The following HIVEP1 variants were observed in gnomAD, a reference collection of about 807,000 sequenced individuals.
HIVEP1 encodes HIVEP zinc finger 1.
Under a neutral mutation model 180.0 loss-of-function variants are expected in HIVEP1, and 36 were observed. That is an observed-to-expected ratio of 0.20 (90% CI 0.15 to 0.26). The LOEUF is 0.26. Ranked by LOEUF, HIVEP1 falls within the 10% of genes least tolerant of loss-of-function variation. The pLI, the probability that HIVEP1 is intolerant of heterozygous loss-of-function variation, is 1.00. For synonymous variants in HIVEP1, 1,239 were observed against 1,239.0 expected (o/e 1.00, Z 0.00); for missense variants, 3,143 against 3,268.7 (o/e 0.96, Z 0.94).
chr6:12,145,940 G>C (rs750194887), intron 7 of HIVEP1, among the ~76,000 whole-genome samples: 1 of 152,116 alleles, frequency 6.6e-6, no homozygotes, highest in Non-Finnish European at 1.5e-5. Context: ...TGTGAAGAAG[G>C]AATATTAGAC....
At chr6:12,192,930 C>T in the HIVEP1 span, among the ~76,000 whole-genome samples, 1 of 151,594 alleles carries the variant, frequency 6.6e-6, no homozygotes, top group Non-Finnish European at 1.5e-5. Context: ...TAACTTCAAA[C>T]AGTAAGCTCA....
intron 2 of HIVEP1, among the ~76,000 whole-genome samples, chr6:12,018,429 G>T (rs911029343): frequency 6.6e-6 from 1 of 152,250 alleles, no homozygotes; most frequent in African/African-American, 2.4e-5. Flanking sequence ...TGACAGCACG[G>T]TGTCACCTCT....
chr6:12,160,985 A>G (rs1027632193), intron 7 of HIVEP1, among the ~76,000 whole-genome samples: 8 of 152,364 alleles, frequency 5.3e-5, no homozygotes, highest in Middle Eastern at 3.4e-3. Context: ...CACAGATACC[A>G]ACAGCCATCA....
intron 3 of HIVEP1, among the ~76,000 whole-genome samples, chr6:12,115,335 A>G (rs1775144450): frequency 7.1e-6 from 1 of 141,152 alleles, no homozygotes; most frequent in Non-Finnish European, 1.5e-5. Context: ...CTTAACTTAT[A>G]CTTCCCCAAC....
intron 8 of HIVEP1, among the ~76,000 whole-genome samples, chr6:12,162,698 T>A (rs927230732): frequency 1.3e-5 from 2 of 152,362 alleles, no homozygotes; most frequent in African/African-American, 4.8e-5. Context: ...TAAGCGTCTC[T>A]ATCCCAAAAC....
In HIVEP1 at chr6:12,031,407, A is replaced by G. The variant is rs371083220; in HGVS notation, c.40+15739A>G. 2.6e-5 allele frequency among the ~76,000 whole-genome samples: 4 copies of G among 152,332 alleles called. No homozygotes were observed. In the East Asian group the frequency reaches 7.7e-4, roughly 29 times the overall value. On this transcript the variant is annotated intron_variant, in intron 2 of 8. Transcript: ENST00000379388. ...GCACACTGTAAGTGGCTCACCTACC[A>G]GAACTCCCTAGTAAGTCCCTGGCTA...
At chr6:12,031,317 C>T (rs1258092739) in intron 2 of HIVEP1, among the ~76,000 whole-genome samples, 1 of 152,144 alleles carries the variant, frequency 6.6e-6, no homozygotes, top group African/African-American at 2.4e-5. Context: ...GGAGACTGCC[C>T]TAGTGTTGGT....
At chr6:12,167,646 CA>C (rs1760748236), downstream of HIVEP1, among the ~76,000 whole-genome samples, 1 of 22,072 alleles carries the variant, frequency 4.5e-5, no homozygotes, top group Non-Finnish European at 7.2e-5. Flanking sequence ...TATACATATA[CA>C]TATATATGTT....
the HIVEP1 span, among the ~76,000 whole-genome samples, chr6:12,204,205 C>G: frequency 6.6e-6 from 1 of 152,182 alleles, no homozygotes; most frequent in Non-Finnish European, 1.5e-5. Context: ...GATGGACACA[C>G]CCAGTAGAGT....
chr6:12,160,996 G>GT (rs779545652), intron 7 of HIVEP1, among the ~76,000 whole-genome samples: 4 of 152,172 alleles, frequency 2.6e-5, no homozygotes, highest in Non-Finnish European at 5.9e-5. Flanking sequence ...ACAGCCATCA[G>GT]TTTTTTGTGT....
chr6:12,113,025 T>G lies in HIVEP1; in HGVS notation c.95-6865T>G, dbSNP rs528104015. Among the ~76,000 whole-genome samples the G allele has an allele frequency of 2.0e-5, 3 of 151,144 alleles. No individual in the cohort carries two copies. In the East Asian group the frequency reaches 5.8e-4, roughly 29 times the overall value. On this transcript the variant is annotated intron_variant, in intron 3 of 8. Coordinates refer to ENST00000379388, the MANE Select transcript of HIVEP1 (RefSeq NM_002114.4). ...AGGGGGAGGAAGCTCTCAGGGAGAG[T>G]TGGCTTCATGCCTGTCCACTCTGCT...
intron 2 of HIVEP1, among the ~76,000 whole-genome samples, chr6:12,066,174 CAGAT>C (rs1224300907): frequency 1.3e-5 from 2 of 152,034 alleles, no homozygotes; most frequent in African/African-American, 4.8e-5. Context: ...TGGATGGGAA[CAGAT>C]AGCTTGTGCG....
chr6:12,062,615 C>T (rs2113757436), intron 2 of HIVEP1, among the ~76,000 whole-genome samples: 1 of 152,282 alleles, frequency 6.6e-6, no homozygotes. Flanking sequence ...TGAGTGCCAG[C>T]TACATGCCGA....
chr6:12,135,781 T>A lies in HIVEP1; in HGVS notation c.6386-10T>A. On this transcript the variant is annotated splice_polypyrimidine_tract_variant and intron_variant, in intron 6 of 8. Coordinates refer to ENST00000379388, the MANE Select transcript of HIVEP1 (RefSeq NM_002114.4). ...CTACTTAAGCTTAGTAAACATTCTT[T>A]TCCCTTAAGGAAATCTGACAAAACA... 5 of 1,573,294 alleles carry A rather than the reference T, an allele frequency of 3.2e-6. No homozygotes were observed. The highest frequency in any genetic ancestry group is 4.4e-6 in the Non-Finnish European group (5 of 1,144,568).
chr6:12,141,069 A>G (rs755044018), intron 7 of HIVEP1, among the ~76,000 whole-genome samples: 1 of 152,224 alleles, frequency 6.6e-6, no homozygotes, highest in African/African-American at 2.4e-5. Flanking sequence ...CATAATTGTC[A>G]GATTCACCAA....
intron 2 of HIVEP1, among the ~76,000 whole-genome samples, chr6:12,016,878 G>A (rs1767790425): frequency 6.6e-6 from 1 of 152,206 alleles, no homozygotes; most frequent in Non-Finnish European, 1.5e-5. Context: ...AGACCCAAGG[G>A]TACCAGCTGA....
intron 7 of HIVEP1, among the ~76,000 whole-genome samples, chr6:12,144,006 C>T (rs930538059): frequency 2.0e-5 from 3 of 152,322 alleles, no homozygotes; most frequent in African/African-American, 7.2e-5. Context: ...CAATGACTTT[C>T]TTCACGGAAC....
Position 12,106,601 on chromosome 6 carries a change from A to G in HIVEP1, c.95-13289A>G, listed in dbSNP as rs139610284. Among the ~76,000 whole-genome samples the G allele has an allele frequency of 2.2e-3, 328 of 152,312 alleles. 1 individual carries two copies. The highest frequency in any genetic ancestry group is 7.4e-3 in the African/African-American group (306 of 41,584). ...TCTGTACTGAACTCTTCTGTTAGGTATAATAGATTGTCAGTGATTTCTTAT... is the reference window on the plus strand; with the variant it reads ...TCTGTACTGAACTCTTCTGTTAGGTGTAATAGATTGTCAGTGATTTCTTAT... On this transcript the variant is annotated intron_variant, in intron 3 of 8. Transcript: ENST00000379388.
intron 2 of HIVEP1, among the ~76,000 whole-genome samples, chr6:12,077,809 CAA>C (rs774165378): frequency 5.9e-5 from 9 of 152,280 alleles, no homozygotes; most frequent in Non-Finnish European, 8.8e-5. Context: ...TCTTCTTACT[CAA>C]GAGGGGGTTG....
Sources: gnomAD v4.1 joint callset for allele counts (sites outside exome capture counted in the v4.1 genomes callset) on GRCh38, gnomAD v4.1.1 for gene constraint, MANE v1.5 for transcripts, NCBI Gene and HGNC (gene_info 2026-07-23, HGNC 2026-07-21) for gene names.